PZP: variants seen among roughly 807,000 people sequenced by gnomAD.
The protein encoded by PZP is pregnancy zone protein.
A neutral mutation model predicts 179.8 loss-of-function variants in PZP; 150 were observed. The ratio of observed to expected loss-of-function variants is 0.83; its 90% CI spans 0.73 to 0.96. PZP has a LOEUF of 0.96. Ranked by LOEUF, PZP falls within the 40% of genes least tolerant of loss-of-function variation. The pLI is 0.00. For missense variants in PZP, 1,689 were observed against 1,764.0 expected, an observed-to-expected ratio of 0.96 and a Z score of 0.76; for synonymous variants, 624 against 652.3, an observed-to-expected ratio of 0.96 and a Z score of 0.66.
chr12:9,148,293 T>C (rs1414866258), downstream of PZP, among the ~76,000 whole-genome samples: 1 of 152,194 alleles, frequency 6.6e-6, no homozygotes, highest in Non-Finnish European at 1.5e-5. Context: ...CCACCATGTC[T>C]CTTTCTATTA....
chr12:9,141,132 A>G, the PZP span, among the ~76,000 whole-genome samples: 2 of 152,188 alleles, frequency 1.3e-5, no homozygotes, highest in Non-Finnish European at 2.9e-5. Flanking sequence ...CCTTTGTGGC[A>G]TGCAATATTT....
intron 28 of PZP, chr12:9,156,308 A>ATG (rs1340831812): frequency 9.4e-6 from 2 of 212,582 alleles, no homozygotes; most frequent in African/African-American, 4.6e-5. Flanking sequence ...CGAGTCATCA[A>ATG]TGTCACCCTT....
chr12:9,155,174 A>G (rs1055507336), intron 28 of PZP, among the ~76,000 whole-genome samples: 2 of 152,214 alleles, frequency 1.3e-5, no homozygotes, highest in African/African-American at 4.8e-5. Context: ...TGCAGTATAG[A>G]CTAGAATATA....
chr12:9,138,370 T>G, the PZP span, among the ~76,000 whole-genome samples: 277 of 152,184 alleles, frequency 1.8e-3, no homozygotes, highest in African/African-American at 5.4e-3. Context: ...TTGGTCATGA[T>G]GTATGATCCC....
chr12:9,175,708 G>T (rs1418814848), intron 15 of PZP, among the ~76,000 whole-genome samples: 3 of 152,144 alleles, frequency 2.0e-5, no homozygotes, highest in African/African-American at 7.2e-5. Context: ...ATGAAGAAAA[G>T]CTCAACATCA....
In PZP at chr12:9,161,035, A is replaced by T. The variant is rs375594058; in HGVS notation, c.2870T>A (p.Leu957Gln). 1.8e-5 allele frequency: 29 copies of T among 1,579,786 alleles called. No individual in the cohort carries two copies. Among genetic ancestry groups the T allele is most frequent in the Non-Finnish European group, 2.5e-5 (29 of 1,148,930 alleles). ...KESARASFSV[L>Q]GDILGSAMQN... ...TTACTAAATGGAAGGTGACTCACCC[A>T]GAACTGAGAAAGAAGCTCTGGCAGA... Residue 957 changes from leucine (L) to glutamine (Q), a missense_variant and splice_region_variant, in exon 23 of 36, where the codon CTG (leucine) becomes CAG (glutamine). Physicochemically the swap from Leu to Gln is moderately radical, Grantham distance 113. Around this residue, in one of 3 missense-constraint regions of PZP, gnomAD observed 746 missense variants for 749.2 expected, o/e 1.00. Transcript: ENST00000261336.
At chr12:9,205,260 T>TCTCTA (rs1342489984) in intron 1 of PZP, among the ~76,000 whole-genome samples, 4 of 152,182 alleles carry the variant, frequency 2.6e-5, no homozygotes, top group Non-Finnish European at 5.9e-5. Flanking sequence ...GTGTCCTTTG[T>TCTCTA]CTCTAATGCC....
chr12:9,166,226 GT>G, intron 17 of PZP, 24 bp from the exon 18 acceptor site: 3 of 1,604,486 alleles, frequency 1.9e-6, no homozygotes, highest in Non-Finnish European at 2.5e-6. Flanking sequence ...AAATTGTCTA[GT>G]TAGGGAAAAA....
chr12:9,203,628 A>C, intron 2 of PZP, 140 bp downstream of exon 2: 1 of 980,260 alleles, frequency 1.0e-6, no homozygotes, highest in Admixed American at 2.7e-5. Context: ...GGCGTGAGCC[A>C]CCGCACCTGG....
chr12:9,195,221 G>GT (rs1297339674), intron 10 of PZP, among the ~76,000 whole-genome samples: 4 of 151,988 alleles, frequency 2.6e-5, no homozygotes, highest in Admixed American at 6.6e-5. Flanking sequence ...ATACTATGAT[G>GT]TATCAATTTT....
chr12:9,185,082 T>C (rs1347798284), intron 13 of PZP, among the ~76,000 whole-genome samples: 1 of 152,208 alleles, frequency 6.6e-6, no homozygotes, highest in Non-Finnish European at 1.5e-5. Context: ...AGGGCTGAGA[T>C]GGCTGAAATG....
Position 9,163,806 on chromosome 12 carries a change from T to C in PZP, c.2615-17A>G, listed in dbSNP as rs1941390900. 1.2e-6 allele frequency: 2 copies of C among 1,608,742 alleles called. No homozygotes were observed. The highest frequency in any genetic ancestry group is 2.2e-5 in the East Asian group (1 of 44,828). ...TCACATTCCCTAAAACAAGGAATATTGAAAACATGAGTATCCACTTTGATA... is the reference window on the plus strand; with the variant it reads ...TCACATTCCCTAAAACAAGGAATATCGAAAACATGAGTATCCACTTTGATA... On this transcript the variant is annotated splice_polypyrimidine_tract_variant and intron_variant, in intron 20 of 35. Coordinates refer to ENST00000261336, the MANE Select transcript of PZP (RefSeq NM_002864.3).
rs771108767 is a variant in PZP at position 9,182,091 on chromosome 12, G to A, written c.1573C>T (p.Pro525Ser). Reference protein sequence around the residue: ...DMKGSFALSFPVESDVAPIAR... With the variant: ...DMKGSFALSFSVESDVAPIAR... ...ATGGGGGCAACGTCTGACTCCACAG[G>A]GAAGGATAAGGCAAAACTGCCTTTC... is the stretch of plus-strand genomic sequence containing the variant. The change falls in exon 14 of 36, where the codon CCT (proline) becomes TCT (serine). Residue 525 changes from proline to serine, a missense_variant. Transcript: ENST00000261336. 3 of 1,612,512 alleles carry A rather than the reference G, an allele frequency of 1.9e-6. No homozygotes were observed. The highest frequency in any genetic ancestry group is 1.3e-5 in the African/African-American group (1 of 74,602).
At position 9,152,313 on chromosome 12, in the gene PZP, G is replaced by C; in HGVS notation, c.4122-3C>G. 6.2e-7 allele frequency: 1 copy of C among 1,606,952 alleles called. No individual in the cohort carries two copies. Among genetic ancestry groups the C allele is most frequent in the South Asian group, 1.1e-5 (1 of 90,920 alleles). ...AAGCAGGACGGTTTCCTGTGTAACTGTAGTGTCAAAGGAAAAAGAATTTAG... is the reference window on the plus strand; with the variant it reads ...AAGCAGGACGGTTTCCTGTGTAACTCTAGTGTCAAAGGAAAAAGAATTTAG... On this transcript the variant is annotated splice_polypyrimidine_tract_variant and splice_region_variant and intron_variant, in intron 31 of 35. Transcript: ENST00000261336.
Position 9,187,215 on chromosome 12 carries a change from A to G in PZP, c.1546+4978T>C, listed in dbSNP as rs115011187. Among the ~76,000 whole-genome samples the G allele has an allele frequency of 6.3e-3, 963 of 152,246 alleles. 15 individuals carry two copies. The highest frequency in any genetic ancestry group is 0.022 in the African/African-American group (917 of 41,534). On this transcript the variant is annotated intron_variant, in intron 13 of 35. Transcript: ENST00000261336. ...TAAAACAAGTGCTTAGAGACCTTCA[A>G]AGAGACTCAGACTCCCACACAATAA...
chr12:9,203,999 C>A, intron 1 of PZP, 48 bp from the exon 2 acceptor site: 1 of 1,492,178 alleles, frequency 6.7e-7, no homozygotes, highest in Non-Finnish European at 9.2e-7. Context: ...TGATAGTAAG[C>A]GTTTTCATCC....
In PZP at chr12:9,200,958, A is replaced by G. The variant is rs369906075; in HGVS notation, c.604T>C (p.Tyr202His). The change falls in exon 6 of 36, where the codon TAC (tyrosine) becomes CAC (histidine). Residue 202 changes from tyrosine to histidine, a missense_variant. Tyr to His is a moderately conservative substitution (Grantham distance 83, BLOSUM62 2). Coordinates refer to ENST00000261336, the MANE Select transcript of PZP (RefSeq NM_002864.3). ...PLSSEPIQGS[Y>H]RVVVQTESGG... ...GATTCTGTCTGTACCACCACCCTGT[A>G]GGAGCCCTGAATGGGCTCTGATGAG... The G allele has an allele frequency of 1.9e-6, 3 of 1,614,062 alleles. No homozygotes were observed. The East Asian group carries it at 6.7e-5, about 36-fold the overall frequency.
intron 1 of PZP, among the ~76,000 whole-genome samples, chr12:9,207,224 C>T (rs1388382713): frequency 6.6e-6 from 1 of 152,176 alleles, no homozygotes. Context: ...GAAGACTTCC[C>T]TGTATCAGTC....
At chr12:9,138,480 T>C in the PZP span, among the ~76,000 whole-genome samples, 1 of 151,974 alleles carries the variant, frequency 6.6e-6, no homozygotes, top group Non-Finnish European at 1.5e-5. Flanking sequence ...TTTCTTGTAG[T>C]GTCCTTGTCT....
Sources: gnomAD v4.1 joint callset for allele counts (sites outside exome capture counted in the v4.1 genomes callset) on GRCh38, gnomAD v4.1.1 for gene constraint, gnomAD v4.1.1 regional missense constraint, MANE v1.5 for transcripts, NCBI Gene and HGNC (gene_info 2026-07-23, HGNC 2026-07-21) for gene names.